Variants in ZNF804A observed in about 807,000 individuals in gnomAD.
ZNF804A encodes zinc finger protein 804A.
ZNF804A carries 2 observed loss-of-function variants against 16.5 expected under a neutral mutation model. The observed-to-expected ratio is 0.12, with a 90% CI of 0.05 to 0.38. ZNF804A has a LOEUF of 0.38. Ranked by LOEUF, ZNF804A falls within the 10% of genes least tolerant of loss-of-function variation. ZNF804A has a pLI of 0.99. For synonymous variants in ZNF804A, 534 were observed against 489.6 expected (o/e 1.09, Z -1.20); for missense variants, 1,473 against 1,390.7 (o/e 1.06, Z -0.94).
chr2:184,927,265 G>A (rs1284208113), intron 2 of ZNF804A, among the ~76,000 whole-genome samples: 2 of 152,214 alleles, frequency 1.3e-5, no homozygotes, highest in African/African-American at 4.8e-5. Context: ...CACCTCCAAG[G>A]TCTTGGACAA....
chr2:184,650,810 A>G (rs896248827), intron 1 of ZNF804A, among the ~76,000 whole-genome samples: 3 of 152,178 alleles, frequency 2.0e-5, no homozygotes, highest in Non-Finnish European at 2.9e-5. Context: ...CATGACACAA[A>G]TGGAAAAACA....
chr2:184,671,582 T>A (rs185241174), intron 1 of ZNF804A, among the ~76,000 whole-genome samples: 103 of 152,312 alleles, frequency 6.8e-4, no homozygotes, highest in Middle Eastern at 3.4e-3. Context: ...TCCTCTGGGG[T>A]ACAGCAGAAG....
chr2:184,899,953 G>A (rs1016754821), intron 2 of ZNF804A, among the ~76,000 whole-genome samples: 1 of 151,744 alleles, frequency 6.6e-6, no homozygotes, highest in Non-Finnish European at 1.5e-5. Flanking sequence ...ATTTATATTT[G>A]CTAGTTCAAC....
intron 1 of ZNF804A, among the ~76,000 whole-genome samples, chr2:184,861,655 T>A (rs1293022569): frequency 6.6e-6 from 1 of 152,170 alleles, no homozygotes; most frequent in African/African-American, 2.4e-5. Flanking sequence ...TACTTGTATA[T>A]ACCCTACTAA....
rs1364976841 is a variant in ZNF804A at position 184,938,398 on chromosome 2, C to T, written c.3002C>T (p.Thr1001Ile). 6.2e-7 allele frequency: 1 copy of T among 1,614,100 alleles called. No homozygotes were observed. The highest frequency in any genetic ancestry group is 1.7e-5 in the Admixed American group (1 of 59,994). ...WLRYNSGILN[T>I]QPPLPFKEAH... The stretch of plus-strand genomic sequence containing the variant: ...CGTTATAATTCAGGAATCCTTAACA[C>T]ACAACCACCATTACCATTCAAAGAA... The change falls in exon 4 of 4, where the codon ACA becomes ATA. Residue 1001 changes from threonine (T) to isoleucine (I), a missense_variant. Thr to Ile is a moderately conservative substitution (Grantham distance 89, BLOSUM62 -1). Transcript: ENST00000302277.
At chr2:184,819,975 A>G (rs1375988293) in intron 1 of ZNF804A, among the ~76,000 whole-genome samples, 2 of 151,952 alleles carry the variant, frequency 1.3e-5, no homozygotes, top group East Asian at 3.9e-4. Flanking sequence ...TTACAACTAA[A>G]TTTTACCGGG....
chr2:184,687,644 G>C (rs1453405336), intron 1 of ZNF804A, among the ~76,000 whole-genome samples: 1 of 152,162 alleles, frequency 6.6e-6, no homozygotes, highest in Non-Finnish European at 1.5e-5. Context: ...ATTGCTTAAT[G>C]GTTATAGAAT....
intron 1 of ZNF804A, among the ~76,000 whole-genome samples, chr2:184,774,257 A>G (rs1224962848): frequency 6.6e-6 from 1 of 151,936 alleles, no homozygotes; most frequent in East Asian, 1.9e-4. Flanking sequence ...CAGAATTTAC[A>G]TCTATTTGGT....
chr2:184,603,001 G>C (rs1231519271), intron 1 of ZNF804A, among the ~76,000 whole-genome samples: 1 of 152,042 alleles, frequency 6.6e-6, no homozygotes, highest in Admixed American at 6.6e-5. Context: ...AGAATAATTT[G>C]ATTAAATTTG....
intron 1 of ZNF804A, among the ~76,000 whole-genome samples, chr2:184,833,922 T>C (rs1363591722): frequency 6.6e-6 from 1 of 152,042 alleles, no homozygotes; most frequent in East Asian, 1.9e-4. Flanking sequence ...AATTTAATAC[T>C]GTGAAAAGCA....
chr2:184,608,868 G>T (rs1691193140), intron 1 of ZNF804A, among the ~76,000 whole-genome samples: 2 of 152,200 alleles, frequency 1.3e-5, no homozygotes, highest in African/African-American at 4.8e-5. Context: ...TTAGTATAAG[G>T]AATTTGGAGG....
intron 1 of ZNF804A, among the ~76,000 whole-genome samples, chr2:184,671,174 T>C (rs1692334234): frequency 6.6e-6 from 1 of 152,114 alleles, no homozygotes; most frequent in Admixed American, 6.5e-5. Flanking sequence ...CCACCTAAAG[T>C]TTTGTTTTGA....
At chr2:184,928,949 A>G (rs1435867101) in intron 2 of ZNF804A, among the ~76,000 whole-genome samples, 1 of 152,162 alleles carries the variant, frequency 6.6e-6, no homozygotes, top group Admixed American at 6.5e-5. Context: ...AAGACTGTTT[A>G]TCTTACTTCT....
intron 2 of ZNF804A, among the ~76,000 whole-genome samples, chr2:184,930,815 T>C (rs1685686047): frequency 6.6e-6 from 1 of 152,238 alleles, no homozygotes; most frequent in African/African-American, 2.4e-5. Flanking sequence ...CATATGTATA[T>C]GGTATTTATT....
chr2:184,847,043 CTCTTTCCTTGAAACTAAT>C (rs1372914280), intron 1 of ZNF804A, among the ~76,000 whole-genome samples: 1 of 152,082 alleles, frequency 6.6e-6, no homozygotes, highest in African/African-American at 2.4e-5. Context: ...ATGAATGTAC[CTCTTTCCTTGAAACTAAT>C]TCTTAAAGGA....
At chr2:184,621,564 G>T (rs1157783440) in intron 1 of ZNF804A, among the ~76,000 whole-genome samples, 1 of 151,586 alleles carries the variant, frequency 6.6e-6, no homozygotes, top group Non-Finnish European at 1.5e-5. Flanking sequence ...TGTAACAAAT[G>T]TCTATTGATT....
intron 2 of ZNF804A, among the ~76,000 whole-genome samples, chr2:184,876,321 T>C (rs1254284028): frequency 6.6e-6 from 1 of 151,962 alleles, no homozygotes; most frequent in Non-Finnish European, 1.5e-5. Flanking sequence ...TAAAGCTTAA[T>C]TTAAAAGTAG....
intron 2 of ZNF804A, among the ~76,000 whole-genome samples, chr2:184,875,502 T>G (rs113198620): frequency 0.035 from 5,357 of 152,144 alleles, 298 homozygotes; most frequent in African/African-American, 0.12. Context: ...CAGGCTGAAG[T>G]CCTCACCAGA....
At chr2:184,636,229 T>A (rs1390261855) in intron 1 of ZNF804A, among the ~76,000 whole-genome samples, 1 of 152,160 alleles carries the variant, frequency 6.6e-6, no homozygotes, top group Non-Finnish European at 1.5e-5. Context: ...ATGGCTTTTT[T>A]TTTAATGTTT....
Sources: allele counts gnomAD v4.1 joint callset (sites outside exome capture counted in the v4.1 genomes callset), GRCh38; gene constraint gnomAD v4.1.1; transcripts MANE v1.5; gene names NCBI Gene and HGNC (gene_info 2026-07-23, HGNC 2026-07-21).